The following TUB variants were observed in gnomAD, a reference collection of about 807,000 sequenced individuals.
The protein encoded by TUB is tubby protein homolog.
Under a neutral mutation model 59.7 loss-of-function variants are expected in TUB, and 33 were observed. The ratio of observed to expected loss-of-function variants is 0.55; its 90% CI spans 0.42 to 0.74. TUB has a LOEUF of 0.74. Ranked by LOEUF, TUB falls within the 30% of genes least tolerant of loss-of-function variation. TUB has a pLI of 0.00. For synonymous variants in TUB, 293 were observed against 256.4 expected (o/e 1.14, Z -1.36); for missense variants, 659 against 672.0 (o/e 0.98, Z 0.21).
chr11:8,057,669 T>C (rs578034701), intron 2 of TUB, among the ~76,000 whole-genome samples: 288 of 152,232 alleles, frequency 1.9e-3, no homozygotes, highest in African/African-American at 6.6e-3. Context: ...TTTGGGGAGT[T>C]CCTTCAGCCC....
chr11:8,038,759 T>C (rs2133727077), exon 1 of TUB: 1 of 1,510,422 alleles, frequency 6.6e-7, no homozygotes, highest in East Asian at 2.3e-5. Context: ...AAGGGAGACA[T>C]CCAAGTGCTG....
intron 2 of TUB, among the ~76,000 whole-genome samples, chr11:8,069,987 A>T (rs1200904741): frequency 6.6e-6 from 1 of 152,226 alleles, no homozygotes; most frequent in Non-Finnish European, 1.5e-5. Context: ...CCGTGTGGGC[A>T]TGCTCTCACG....
chr11:8,099,434 C>T (rs1944156361), intron 9 of TUB, among the ~76,000 whole-genome samples: 1 of 152,124 alleles, frequency 6.6e-6, no homozygotes, highest in South Asian at 2.1e-4. Context: ...TGGGCATGGG[C>T]ACTTCTTGGA....
chr11:8,028,968 C>T (rs899269834), intron 1 of TUB, among the ~76,000 whole-genome samples: 1 of 152,210 alleles, frequency 6.6e-6, no homozygotes. Context: ...ACCGTGATCA[C>T]ACCACTGCAT....
Position 8,095,676 on chromosome 11 carries a change from T to TG in TUB, c.565+15dup, listed in dbSNP as rs1282054231. ...CGATGCAGAGGAAGGGTGAGCCCCA[T>TG]GGGGACCCAGTGATACCCCCAAAAC... On this transcript the variant is annotated intron_variant, in intron 5 of 11. Transcript: ENST00000299506. 1 of 1,584,876 alleles carries TG rather than the reference T, an allele frequency of 6.3e-7. No homozygotes were observed. The highest frequency in any genetic ancestry group is 8.6e-7 in the Non-Finnish European group (1 of 1,165,460).
At chr11:8,076,357 G>C (rs1446794482), upstream of TUB, 7 of 152,304 alleles carry the variant, frequency 4.6e-5, no homozygotes, top group East Asian at 1.2e-3. Context: ...ATAGCACCCT[G>C]TACCCCTCCC....
At chr11:8,045,386 TCTC>T (rs771275270) in intron 2 of TUB, among the ~76,000 whole-genome samples, 1 of 152,234 alleles carries the variant, frequency 6.6e-6, no homozygotes, top group African/African-American at 2.4e-5. Flanking sequence ...TTATGCATCT[TCTC>T]CTCCTCCTTT....
chr11:8,097,180 GCTGC>G, intron 6 of TUB, 44 bp from the exon 7 acceptor site: 1 of 1,602,110 alleles, frequency 6.2e-7, no homozygotes. Flanking sequence ...ACCAATTTGG[GCTGC>G]TTAGGGTCCT....
intron 2 of TUB, among the ~76,000 whole-genome samples, chr11:8,043,794 A>G (rs963841033): frequency 6.6e-6 from 1 of 152,148 alleles, no homozygotes. Context: ...ATTAGTTACA[A>G]TCATTTTTTA....
chr11:8,090,693 C>T (rs1434962033), intron 3 of TUB, among the ~76,000 whole-genome samples: 1 of 152,192 alleles, frequency 6.6e-6, no homozygotes, highest in African/African-American at 2.4e-5. Context: ...TTGCAGATCC[C>T]TCTCTCTGGC....
intron 2 of TUB, among the ~76,000 whole-genome samples, chr11:8,049,760 T>C (rs1232908925): frequency 6.6e-6 from 1 of 151,926 alleles, no homozygotes; most frequent in Non-Finnish European, 1.5e-5. Flanking sequence ...GGAAGAAAAA[T>C]AAGATGACCT....
rs945751001 is a variant in TUB at position 8,102,932 on chromosome 11, C to T, written c.*1313C>T. On this transcript the variant is annotated 3_prime_UTR_variant, in exon 12 of 12. Coordinates refer to ENST00000299506, the MANE Select transcript of TUB (RefSeq NM_177972.3). The stretch of plus-strand genomic sequence containing the variant: ...GCCTCCTGGGGGCCCATTCTGCATG[C>T]CCTCCCCACTTCCCCCGATTCAGAG... 6.6e-6 allele frequency: 1 copy of T among 152,186 alleles called. No homozygotes were observed. Among genetic ancestry groups the T allele is most frequent in the African/African-American group, 2.4e-5 (1 of 41,442 alleles). The allele number at this position is 152,186 out of a possible 1,614,324, so 9.4% of individuals were successfully genotyped here. A position where few individuals can be genotyped will look rare whatever the true frequency, so the allele number is the denominator to read the frequency against.
At chr11:8,097,959 A>G (rs2133882958) in intron 8 of TUB, 133 bp downstream of exon 8, 1 of 693,364 alleles carries the variant, frequency 1.4e-6, no homozygotes, top group Non-Finnish European at 2.4e-6. Context: ...CTCTCTGATA[A>G]TCACATCCAA....
intron 1 of TUB, among the ~76,000 whole-genome samples, chr11:8,089,226 G>A (rs563859610): frequency 1.3e-5 from 2 of 152,264 alleles, no homozygotes; most frequent in East Asian, 3.9e-4. Context: ...GGAGCTGGAG[G>A]GAGCAGCCCC....
At chr11:8,067,628 G>C (rs1462133851) in intron 2 of TUB, 2 of 152,114 alleles carry the variant, frequency 1.3e-5, no homozygotes, top group African/African-American at 4.8e-5. Context: ...CTAGGCACTG[G>C]GGATACAGCA....
At chr11:8,076,269 C>G (rs1211606251), upstream of TUB, 1 of 152,204 alleles carries the variant, frequency 6.6e-6, no homozygotes, top group East Asian at 1.9e-4. Context: ...CACTGTGGCA[C>G]CAAGACCATT....
chr11:8,061,645 G>C (rs1943129203), intron 2 of TUB, among the ~76,000 whole-genome samples: 1 of 152,044 alleles, frequency 6.6e-6, no homozygotes, highest in African/African-American at 2.4e-5. Flanking sequence ...TGCCCCTTTA[G>C]CCCACACTCA....
At position 8,039,694 on chromosome 11, in the gene TUB, T is replaced by G; in HGVS notation, c.203+2T>G. ...GAAGGAAGGAAGGGAGATCGCTCGG[T>G]GAGCTGGAGGGGAGGAGGGCGTGCC... On this transcript the variant is annotated splice_donor_variant, in intron 2 of 12. Coordinates refer to the TUB transcript ENST00000305253. LOFTEE classifies it high-confidence loss of function. 3 of 1,531,470 alleles carry G rather than the reference T, an allele frequency of 2.0e-6. No individual in the cohort carries two copies. The allele number at this position is 1,531,470 out of a possible 1,614,324, so 94.9% of individuals were successfully genotyped here.
chr11:8,100,439 C>G, intron 9 of TUB, 64 bp from the exon 10 acceptor site: 1 of 1,302,058 alleles, frequency 7.7e-7, no homozygotes, highest in Non-Finnish European at 1.1e-6. Flanking sequence ...ATTCCCGTCC[C>G]CCCCACCTTC....
Sources: gnomAD v4.1 joint callset for allele counts (sites outside exome capture counted in the v4.1 genomes callset) on GRCh38, gnomAD v4.1.1 for gene constraint, MANE v1.5 for transcripts, NCBI Gene and HGNC (gene_info 2026-07-23, HGNC 2026-07-21) for gene names.